ACTN1: variants seen among roughly 807,000 people sequenced by gnomAD.
The protein encoded by ACTN1 is alpha-actinin-1.
A neutral mutation model predicts 119.6 loss-of-function variants in ACTN1; 30 were observed. The ratio of observed to expected loss-of-function variants is 0.25; its 90% CI spans 0.19 to 0.34. The LOEUF is 0.34. Ranked by LOEUF, ACTN1 falls within the 10% of genes least tolerant of loss-of-function variation. ACTN1 has a pLI of 1.00. For missense variants in ACTN1, 764 were observed against 1,223.4 expected, an observed-to-expected ratio of 0.62 and a Z score of 5.60; for synonymous variants, 429 against 472.6, an observed-to-expected ratio of 0.91 and a Z score of 1.20.
chr14:68,912,943 G>A (rs781744789), intron 3 of ACTN1, among the ~76,000 whole-genome samples: 10 of 152,200 alleles, frequency 6.6e-5, no homozygotes, highest in Non-Finnish European at 1.2e-4. Context: ...CCACCCACAC[G>A]TGGAAAAACA....
At position 68,880,321 on chromosome 14, in the gene ACTN1, T is replaced by C. The variant is rs1009457114; in HGVS notation, c.2134-213A>G. Among the ~76,000 whole-genome samples the C allele has an allele frequency of 6.6e-6, 1 of 152,158 alleles. No individual in the cohort carries two copies. The highest frequency in any genetic ancestry group is 1.5e-5 in the Non-Finnish European group (1 of 68,020). On this transcript the variant is annotated intron_variant, in intron 17 of 21. Transcript: ENST00000394419. The surrounding 1 kb of genome is among the most constrained non-coding windows in gnomAD (Gnocchi z 4.6). ...GACCAAGGGGCAGGGTGGCAGCCTCTGCCTGGGAGAGCAAAGAAACCAGGA... is the reference window on the plus strand; with the variant it reads ...GACCAAGGGGCAGGGTGGCAGCCTCCGCCTGGGAGAGCAAAGAAACCAGGA...
At position 68,946,815 on chromosome 14, in the gene ACTN1, A is replaced by G. The variant is rs1417732720; in HGVS notation, c.106-21143T>C. The stretch of plus-strand genomic sequence containing the variant: ...GCCCTCACCTCCTTCCTGTCACTCC[A>G]TCTCTCTCCATCCCCACCTTCACCT... On this transcript the variant is annotated intron_variant, in intron 1 of 21. Transcript: ENST00000394419. 5.3e-5 allele frequency among the ~76,000 whole-genome samples: 8 copies of G among 152,074 alleles called. No individual in the cohort carries two copies. In the South Asian group the frequency reaches 6.2e-4, roughly 12 times the overall value.
At position 68,939,542 on chromosome 14, in the gene ACTN1, G is replaced by A. The variant is rs188109666; in HGVS notation, c.106-13870C>T. Among the ~76,000 whole-genome samples the A allele has an allele frequency of 1.6e-4, 24 of 152,338 alleles. No homozygotes were observed. In the East Asian group the frequency reaches 3.5e-3, roughly 22 times the overall value. ...CAAAGGGCTCAGTCTGCTACCAGACGCAGACCAAGCACTCACTAGATGTTA... is the reference window on the plus strand; with the variant it reads ...CAAAGGGCTCAGTCTGCTACCAGACACAGACCAAGCACTCACTAGATGTTA... On this transcript the variant is annotated intron_variant, in intron 1 of 21. Transcript: ENST00000394419.
chr14:68,944,152 C>A (rs1224325250), intron 1 of ACTN1, among the ~76,000 whole-genome samples: 1 of 152,180 alleles, frequency 6.6e-6, no homozygotes, highest in Non-Finnish European at 1.5e-5. Context: ...GCAGAATGGG[C>A]CAGCAGGTTT....
Position 68,907,324 on chromosome 14 carries a change from G to A in ACTN1, c.594+1994C>T, listed in dbSNP as rs113711356. On this transcript the variant is annotated intron_variant, in intron 6 of 21. Coordinates refer to ENST00000394419, the MANE Select transcript of ACTN1 (RefSeq NM_001130004.2). ...CACGCCTGTAATCCCAGCACTTTGG[G>A]AGGCCAAGGCGGGTGGATCACCTGA... Among the ~76,000 whole-genome samples the A allele has an allele frequency of 6.6e-5, 10 of 150,944 alleles. 2 individuals are homozygous for A. Among genetic ancestry groups the A allele is most frequent in the African/African-American group, 2.2e-4 (9 of 41,064 alleles).
chr14:68,912,808 G>C (rs1387008872), intron 3 of ACTN1, among the ~76,000 whole-genome samples: 1 of 152,142 alleles, frequency 6.6e-6, no homozygotes, highest in Non-Finnish European at 1.5e-5. Flanking sequence ...CACAGAGAAG[G>C]GGGCATTTGA....
chr14:68,935,944 T>C (rs2035481926), intron 1 of ACTN1, among the ~76,000 whole-genome samples: 1 of 152,160 alleles, frequency 6.6e-6, no homozygotes, highest in Non-Finnish European at 1.5e-5. Context: ...CCAGCCACCA[T>C]TCAGGCCAGG....
chr14:68,880,177 C>T lies in ACTN1; in HGVS notation c.2134-69G>A. ...TGGGCTCCTGGCGGCCCCTGCCCAT[C>T]CTACTCCCCAACCATCAAAATGGCC... On this transcript the variant is annotated intron_variant, in intron 17 of 21. Coordinates refer to ENST00000394419, the MANE Select transcript of ACTN1 (RefSeq NM_001130004.2). The surrounding 1 kb of genome is among the most constrained non-coding windows in gnomAD (Gnocchi z 4.6). 6.4e-7 allele frequency: 1 copy of T among 1,564,886 alleles called. No individual in the cohort carries two copies. Among genetic ancestry groups the T allele is most frequent in the South Asian group, 1.2e-5 (1 of 86,590 alleles).
At chr14:68,975,268 A>G (rs2037023710) in intron 1 of ACTN1, among the ~76,000 whole-genome samples, 1 of 152,224 alleles carries the variant, frequency 6.6e-6, no homozygotes, top group African/African-American at 2.4e-5. Flanking sequence ...CTCAACAAGT[A>G]TTGATTAAGT....
intron 3 of ACTN1, among the ~76,000 whole-genome samples, chr14:68,915,142 C>T (rs977384850): frequency 6.6e-6 from 1 of 152,158 alleles, no homozygotes; most frequent in African/African-American, 2.4e-5. Context: ...CCCATATCAC[C>T]CTCTGCTAAA....
At position 68,878,594 on chromosome 14, in the gene ACTN1, C is replaced by T; in HGVS notation, c.2362-71G>A. On this transcript the variant is annotated intron_variant, in intron 19 of 21. Transcript: ENST00000394419. This position sits in a 1 kb window ranked among gnomAD's most constrained non-coding sequence, Gnocchi z 4.4. ...AGGAAGAGGAAGGGCCGGCCCGGGG[C>T]CAGGAAGACAGGAACAGATGGCCAG... The T allele has an allele frequency of 6.2e-7, 1 of 1,601,528 alleles. No individual in the cohort carries two copies. The highest frequency in any genetic ancestry group is 8.5e-7 in the Non-Finnish European group (1 of 1,174,042).
At chr14:68,942,770 C>T (rs1429327253) in intron 1 of ACTN1, among the ~76,000 whole-genome samples, 1 of 152,138 alleles carries the variant, frequency 6.6e-6, no homozygotes, top group East Asian at 1.9e-4. Context: ...CCAGCAATTC[C>T]CTGCTCAATG....
At chr14:68,945,633 G>C (rs573314998) in intron 1 of ACTN1, among the ~76,000 whole-genome samples, 11 of 152,196 alleles carry the variant, frequency 7.2e-5, no homozygotes, top group Non-Finnish European at 1.2e-4. Flanking sequence ...GTGTAGGAGA[G>C]GGAGAAGCAG....
chr14:68,896,016 TG>T (rs2032851571), intron 8 of ACTN1, among the ~76,000 whole-genome samples: 1 of 152,174 alleles, frequency 6.6e-6, no homozygotes, highest in Non-Finnish European at 1.5e-5. Context: ...AGAAGGAGAC[TG>T]ACTGAGAATA....
At chr14:68,929,064 G>A (rs1485015199) in intron 1 of ACTN1, among the ~76,000 whole-genome samples, 3 of 151,514 alleles carry the variant, frequency 2.0e-5, no homozygotes, top group Non-Finnish European at 2.9e-5. Context: ...GAACTGTGGC[G>A]GGTTCGTGGG....
rs2031138323 is a variant in ACTN1, at chr14:68,878,459, ATGT to A, written c.2423_2425del (p.Asn808del). 1 of 1,549,760 alleles carries A rather than the reference ATGT, an allele frequency of 6.5e-7. No homozygotes were observed. Among genetic ancestry groups the A allele is most frequent in the Non-Finnish European group, 8.7e-7 (1 of 1,145,914 alleles). ...GACAGAGGGTGGGGTTTACGTTACCATGTTGTAACCCATGGAGATCAGGCAGGC... is the reference window on the plus strand; with the variant it reads ...GACAGAGGGTGGGGTTTACGTTACCATGTAACCCATGGAGATCAGGCAGGC... On this transcript the variant is annotated inframe_deletion and splice_region_variant, in exon 20 of 22. Coordinates refer to ENST00000394419, the MANE Select transcript of ACTN1 (RefSeq NM_001130004.2). This position sits in a 1 kb window ranked among gnomAD's most constrained non-coding sequence, Gnocchi z 4.4.
intron 1 of ACTN1, among the ~76,000 whole-genome samples, chr14:68,944,490 G>A (rs754180193): frequency 2.0e-5 from 3 of 152,206 alleles, no homozygotes; most frequent in Non-Finnish European, 4.4e-5. Context: ...GGGTTACATC[G>A]TGGGCAAATA....
At chr14:68,921,282 G>A (rs1315488868) in intron 2 of ACTN1, 157 bp from the exon 3 acceptor site, 5 of 852,664 alleles carry the variant, frequency 5.9e-6, no homozygotes, top group South Asian at 4.7e-5. Flanking sequence ...TCAGGGGCTG[G>A]AGAATGTCAC....
intron 1 of ACTN1, among the ~76,000 whole-genome samples, chr14:68,942,826 G>A (rs1018929326): frequency 2.6e-5 from 4 of 152,064 alleles, no homozygotes; most frequent in African/African-American, 4.8e-5. Context: ...AATGTTCATC[G>A]TTGCCTCATT....
Sources: allele counts gnomAD v4.1 joint callset (sites outside exome capture counted in the v4.1 genomes callset), GRCh38; gene constraint gnomAD v4.1.1; non-coding constraint Gnocchi (gnomAD v3.1); transcripts MANE v1.5; gene names NCBI Gene and HGNC (gene_info 2026-07-23, HGNC 2026-07-21).